Variants in MAP3K20 observed in about 807,000 individuals in gnomAD.
MAP3K20 encodes the protein HCCS-4.
Under a neutral mutation model 85.7 loss-of-function variants are expected in MAP3K20, and 40 were observed. The observed-to-expected ratio is 0.47, with a 90% CI of 0.36 to 0.61. The LOEUF (loss-of-function observed/expected upper bound fraction) is 0.61, where lower values mean the gene tolerates loss of function less well. Among genes scored for constraint, MAP3K20 ranks in the 20% least tolerant of loss-of-function variants. MAP3K20 has a pLI of 0.00. For missense variants in MAP3K20, 817 were observed against 961.7 expected (o/e 0.85, Z 1.99); for synonymous variants, 325 against 327.7 (o/e 0.99, Z 0.09).
chr2:173,259,588 G>T (rs820009), intron 17 of MAP3K20, among the ~76,000 whole-genome samples: 150,032 of 152,332 alleles, frequency 0.98, 73,925 homozygotes, highest in East Asian at 1. Flanking sequence ...AAAGTGGGGC[G>T]TGTAGCAAAG....
chr2:173,156,587 G>A (rs563127860), intron 2 of MAP3K20, among the ~76,000 whole-genome samples: 68 of 152,214 alleles, frequency 4.5e-4, no homozygotes, highest in African/African-American at 1.4e-3. Flanking sequence ...CATAAAGACC[G>A]TGCAACCTAG....
chr2:173,162,539 A>T (rs1689689990), intron 2 of MAP3K20, among the ~76,000 whole-genome samples: 1 of 152,032 alleles, frequency 6.6e-6, no homozygotes, highest in Non-Finnish European at 1.5e-5. Flanking sequence ...TACAAAAATT[A>T]GCCAGGTGTG....
intron 16 of MAP3K20, among the ~76,000 whole-genome samples, chr2:173,256,094 C>G (rs765842473): frequency 6.6e-6 from 1 of 152,222 alleles, no homozygotes; most frequent in Non-Finnish European, 1.5e-5. Flanking sequence ...CCAAAGAGGG[C>G]CAGACATGGG....
chr2:173,165,463 C>A (rs1689788357), intron 2 of MAP3K20, among the ~76,000 whole-genome samples: 1 of 152,024 alleles, frequency 6.6e-6, no homozygotes, highest in Non-Finnish European at 1.5e-5. Flanking sequence ...TTTCTTAGAT[C>A]CTCCAAGTCC....
chr2:173,092,173 A>G (rs1320717820), intron 2 of MAP3K20, among the ~76,000 whole-genome samples: 2 of 152,176 alleles, frequency 1.3e-5, no homozygotes, highest in Admixed American at 1.3e-4. Flanking sequence ...TTGTGTGATC[A>G]CCAGCTGTGT....
chr2:173,262,153 T>C (rs570542785), intron 18 of MAP3K20, among the ~76,000 whole-genome samples: 1 of 152,336 alleles, frequency 6.6e-6, no homozygotes, highest in South Asian at 2.1e-4. Flanking sequence ...TTCCATGTTT[T>C]CTGACTATAA....
chr2:173,138,346 G>A (rs545227430), intron 2 of MAP3K20, among the ~76,000 whole-genome samples: 1 of 152,210 alleles, frequency 6.6e-6, no homozygotes, highest in East Asian at 1.9e-4. Flanking sequence ...TCTATTTTGT[G>A]TGTTTTGAAC....
chr2:173,175,705 ATTG>A (rs1053863746), intron 3 of MAP3K20, among the ~76,000 whole-genome samples: 7 of 152,116 alleles, frequency 4.6e-5, no homozygotes, highest in African/African-American at 1.7e-4. Flanking sequence ...TTCTGCTGCC[ATTG>A]TTGTTTTTAC....
At position 173,217,095 on chromosome 2, in the gene MAP3K20, C is replaced by T. The variant is rs141237040; in HGVS notation, c.852-20C>T. The T allele has an allele frequency of 2.7e-6, 4 of 1,484,984 alleles. No homozygotes were observed. Among genetic ancestry groups the T allele is most frequent in the Non-Finnish European group, 3.6e-6 (4 of 1,112,764 alleles). The allele number at this position is 1,484,984 out of a possible 1,614,324, so 92.0% of individuals were successfully genotyped here. A position where few individuals can be genotyped will look rare whatever the true frequency, so the allele number is the denominator to read the frequency against. On this transcript the variant is annotated intron_variant, in intron 10 of 19. Transcript: ENST00000375213. ...GTCTCTTAAGTAAAGTTGAGACTTA[C>T]ACCAGCTATCCCCGTGCAGGTGCGA...
rs189886334 is a variant in MAP3K20 at position 173,121,427 on chromosome 2, G to A, written c.159+30237G>A. Among the ~76,000 whole-genome samples, 95 of 152,204 alleles carry A rather than the reference G, an allele frequency of 6.2e-4. 1 individual carries two copies. The East Asian group carries it at 0.017, about 27-fold the overall frequency. On this transcript the variant is annotated intron_variant, in intron 2 of 19. Coordinates refer to ENST00000375213, the MANE Select transcript of MAP3K20 (RefSeq NM_016653.3). ...TTTTGAGACGGACTCTTGCTCTGTC[G>A]CCCAGGCTGGAGTGCAGCAGGCAAT...
At chr2:173,213,704 G>C (rs2106310138) in intron 10 of MAP3K20, among the ~76,000 whole-genome samples, 1 of 152,338 alleles carries the variant, frequency 6.6e-6, no homozygotes, top group Non-Finnish European at 1.5e-5. Context: ...TTGCACCCAT[G>C]CTGTACAGTG....
At chr2:173,131,065 C>G (rs1008125651) in intron 2 of MAP3K20, among the ~76,000 whole-genome samples, 1 of 152,076 alleles carries the variant, frequency 6.6e-6, no homozygotes, top group Non-Finnish European at 1.5e-5. Context: ...TTTTGTCTGC[C>G]TCGATAAAAA....
chr2:173,076,029 G>A (rs1686842616), intron 1 of MAP3K20, 27 bp downstream of exon 1: 2 of 984,046 alleles, frequency 2.0e-6, no homozygotes, highest in Non-Finnish European at 2.4e-6. Context: ...AGCCCGCGGA[G>A]GGCGGGGAGG....
intron 14 of MAP3K20, among the ~76,000 whole-genome samples, chr2:173,237,192 C>T (rs1285128970): frequency 6.6e-6 from 1 of 151,812 alleles, no homozygotes; most frequent in East Asian, 1.9e-4. Context: ...CCACACCTGG[C>T]TAATTTTTGT....
intron 2 of MAP3K20, among the ~76,000 whole-genome samples, chr2:173,165,395 C>T (rs1461937476): frequency 2.6e-5 from 4 of 152,024 alleles, no homozygotes; most frequent in South Asian, 2.1e-4. Flanking sequence ...CCAGCCTGGG[C>T]GACAGAGTGA....
rs552720010 is a variant in MAP3K20 at position 173,241,051 on chromosome 2, T to C, written c.1359+1555T>C. Among the ~76,000 whole-genome samples, 28 of 152,082 alleles carry C rather than the reference T, an allele frequency of 1.8e-4. 1 individual carries two copies. The highest frequency in any genetic ancestry group is 1.6e-3 in the Admixed American group (24 of 15,256). ...CTAAAAATTAAAACACTTGAACTCA[T>C]GGAGATAGTAGAATGATGATTACCA... On this transcript the variant is annotated intron_variant, in intron 16 of 19. Transcript: ENST00000375213.
chr2:173,079,044 G>A (rs1686942408), intron 1 of MAP3K20, among the ~76,000 whole-genome samples: 1 of 152,184 alleles, frequency 6.6e-6, no homozygotes, highest in South Asian at 2.1e-4. Context: ...GATACGTTCT[G>A]AGAGAACTGT....
chr2:173,266,482 G>C lies in MAP3K20; in HGVS notation c.2135G>C (p.Gly712Ala), dbSNP rs747700455. 1 of 1,614,086 alleles carries C rather than the reference G, an allele frequency of 6.2e-7. No homozygotes were observed. Among genetic ancestry groups the C allele is most frequent in the South Asian group, 1.1e-5 (1 of 91,074 alleles). ...ACTCCTTCAAGAGGAAGATACCCTG[G>C]AAAGTTCTACAGGGTTTCTCAGTCA... Reference protein sequence around the residue: ...HSTPSRGRYPGKFYRVSQSAL... With the variant: ...HSTPSRGRYPAKFYRVSQSAL... The change falls in exon 20 of 20, where the codon GGA becomes GCA. Residue 712 changes from glycine (G) to alanine (A), a missense_variant. Around this residue, in one of 4 missense-constraint regions of MAP3K20, gnomAD observed 454 missense variants for 476.9 expected, o/e 0.95. Coordinates refer to ENST00000375213, the MANE Select transcript of MAP3K20 (RefSeq NM_016653.3).
At chr2:173,145,251 A>T (rs1689104870) in intron 2 of MAP3K20, among the ~76,000 whole-genome samples, 1 of 152,144 alleles carries the variant, frequency 6.6e-6, no homozygotes, top group African/African-American at 2.4e-5. Context: ...CGTCTCAAAA[A>T]AAAAGAAAAA....
Sources: allele counts gnomAD v4.1 joint callset (sites outside exome capture counted in the v4.1 genomes callset), GRCh38; gene constraint gnomAD v4.1.1; regional missense constraint gnomAD v4.1.1; transcripts MANE v1.5; gene names NCBI Gene and HGNC (gene_info 2026-07-23, HGNC 2026-07-21).